The following FER1L6 variants were observed in gnomAD, a reference collection of about 807,000 sequenced individuals.
FER1L6 encodes fer-1 like family member 6.
FER1L6 carries 177 observed loss-of-function variants against 219.2 expected under a neutral mutation model. That is an observed-to-expected ratio of 0.81 (90% CI 0.71 to 0.91). FER1L6 has a LOEUF of 0.91. Ranked by LOEUF, FER1L6 falls within the 40% of genes least tolerant of loss-of-function variation. The pLI, the probability that FER1L6 is intolerant of heterozygous loss-of-function variation, is 0.00. For synonymous variants in FER1L6, 768 were observed against 824.3 expected (o/e 0.93, Z 1.17); for missense variants, 2,153 against 2,259.9 (o/e 0.95, Z 0.96).
intron 1 of FER1L6, among the ~76,000 whole-genome samples, chr8:123,907,111 T>C (rs7822699): frequency 0.26 from 39,701 of 152,012 alleles, 5,470 homozygotes; most frequent in East Asian, 0.43. Context: ...CCAATAAAAC[T>C]TTATTTACAA....
At chr8:123,977,201 C>T (rs1168474480) in intron 9 of FER1L6, among the ~76,000 whole-genome samples, 4 of 152,180 alleles carry the variant, frequency 2.6e-5, no homozygotes, top group Admixed American at 2.0e-4. Flanking sequence ...TTCCTGAGGG[C>T]GGGGCTGTGA....
intron 2 of FER1L6, among the ~76,000 whole-genome samples, chr8:123,962,409 T>A (rs1361695064): frequency 6.6e-6 from 1 of 152,068 alleles, no homozygotes; most frequent in Non-Finnish European, 1.5e-5. Flanking sequence ...GTTTTATTTT[T>A]AAGTATAGGA....
intron 12 of FER1L6, 22 bp downstream of exon 12, chr8:123,986,198 G>T (rs1238338303): frequency 1.7e-5 from 23 of 1,375,876 alleles, no homozygotes; most frequent in Non-Finnish European, 2.4e-5. Flanking sequence ...TAAGCACAGT[G>T]CCAGGCACAT....
At chr8:124,095,503 AG>A (rs1370712553) in intron 35 of FER1L6, among the ~76,000 whole-genome samples, 1 of 152,224 alleles carries the variant, frequency 6.6e-6, no homozygotes, top group Non-Finnish European at 1.5e-5. Flanking sequence ...GAGAAGCAAT[AG>A]GTGGTAGGTT....
At chr8:124,083,009 TACACACACA>T (rs1821627386) in intron 33 of FER1L6, among the ~76,000 whole-genome samples, 1 of 150,986 alleles carries the variant, frequency 6.6e-6, no homozygotes, top group East Asian at 2.0e-4. Flanking sequence ...ATATATTATA[TACACACACA>T]TATGGGGTAT....
intron 1 of FER1L6, among the ~76,000 whole-genome samples, chr8:123,911,901 T>C (rs1441386917): frequency 1.3e-5 from 2 of 152,166 alleles, no homozygotes; most frequent in African/African-American, 4.8e-5. Flanking sequence ...AATTTACCCT[T>C]CCTGGGGGGA....
chr8:123,998,423 T>TCTCTCTCTCTCTCTCTGTA (rs1817247111), intron 12 of FER1L6, among the ~76,000 whole-genome samples: 1 of 147,304 alleles, frequency 6.8e-6, no homozygotes, highest in African/African-American at 2.6e-5. Flanking sequence ...TCTCTCTCTC[T>TCTCTCTCTCTCTCTCTGTA]CTGTACTGAG....
At chr8:124,041,595 G>A (rs181293918) in intron 20 of FER1L6, among the ~76,000 whole-genome samples, 2 of 152,094 alleles carry the variant, frequency 1.3e-5, no homozygotes, top group African/African-American at 4.8e-5. Context: ...TGACACACGA[G>A]TCACTACACT....
intron 12 of FER1L6, among the ~76,000 whole-genome samples, chr8:123,997,190 G>C (rs1396530699): frequency 6.6e-6 from 1 of 152,120 alleles, no homozygotes; most frequent in African/African-American, 2.4e-5. Flanking sequence ...TTTTAGGATA[G>C]GTCTAGTGTC....
intron 26 of FER1L6, 34 bp downstream of exon 26, chr8:124,064,607 C>T (rs775996787): frequency 4.2e-5 from 66 of 1,587,258 alleles, no homozygotes; most frequent in Non-Finnish European, 5.6e-5. Flanking sequence ...ATTTACAAGG[C>T]TCATTGGAGT....
At chr8:124,106,351 A>C (rs1483148369) in intron 39 of FER1L6, among the ~76,000 whole-genome samples, 4 of 150,682 alleles carry the variant, frequency 2.7e-5, no homozygotes, top group East Asian at 2.0e-4. Context: ...AAAAAAAAAA[A>C]AAAAAAAAAA....
At chr8:124,057,083 A>G (rs970846747) in intron 22 of FER1L6, among the ~76,000 whole-genome samples, 10 of 152,312 alleles carry the variant, frequency 6.6e-5, no homozygotes, top group African/African-American at 2.4e-4. Flanking sequence ...TCCAGTAGAT[A>G]GAGACCCTGC....
At chr8:124,064,287 C>T (rs1245543495) in intron 25 of FER1L6, 60 bp from the exon 26 acceptor site, 1 of 1,334,016 alleles carries the variant, frequency 7.5e-7, no homozygotes, top group Non-Finnish European at 1.1e-6. Flanking sequence ...GTATTAGGTC[C>T]CTGAAACGAC....
At chr8:123,915,211 G>T (rs1467401810) in intron 1 of FER1L6, among the ~76,000 whole-genome samples, 1 of 151,886 alleles carries the variant, frequency 6.6e-6, no homozygotes, top group East Asian at 1.9e-4. Context: ...CAATTCTTTT[G>T]CAGGAATGAT....
intron 32 of FER1L6, among the ~76,000 whole-genome samples, chr8:124,078,625 T>G (rs77703496): frequency 6.6e-6 from 1 of 151,698 alleles, no homozygotes; most frequent in Non-Finnish European, 1.5e-5. Context: ...AAGGTGCCCA[T>G]GAATATTGAG....
chr8:124,061,459 C>A (rs556874228), intron 24 of FER1L6, among the ~76,000 whole-genome samples: 15 of 152,212 alleles, frequency 9.9e-5, no homozygotes, highest in African/African-American at 3.4e-4. Context: ...GTGGCTGGGG[C>A]ACTGTCCCTT....
chr8:124,035,262 G>A lies in FER1L6; in HGVS notation c.2287-15G>A. Reference sequence around the variant, plus strand: ...TCCTACTAATAAGTCAGTCTTTTTTGTAACCTTTCTCCAGCCTCCTGGGAA... The same window carrying A: ...TCCTACTAATAAGTCAGTCTTTTTTATAACCTTTCTCCAGCCTCCTGGGAA... On this transcript the variant is annotated splice_polypyrimidine_tract_variant and intron_variant, in intron 18 of 40. Transcript: ENST00000522917. 6.2e-7 allele frequency: 1 copy of A among 1,604,630 alleles called. No individual in the cohort carries two copies. Among genetic ancestry groups the A allele is most frequent in the Non-Finnish European group, 8.5e-7 (1 of 1,176,776 alleles).
At chr8:124,076,718 T>C (rs1433522985) in intron 32 of FER1L6, among the ~76,000 whole-genome samples, 2 of 152,200 alleles carry the variant, frequency 1.3e-5, no homozygotes, top group Non-Finnish European at 2.9e-5. Flanking sequence ...GAGCAGAGAT[T>C]TCCTTTTTAT....
intron 12 of FER1L6, among the ~76,000 whole-genome samples, chr8:123,997,196 G>C (rs946259308): frequency 2.6e-5 from 4 of 152,126 alleles, no homozygotes; most frequent in African/African-American, 7.2e-5. Context: ...GATAGGTCTA[G>C]TGTCAATGAA....
Sources: allele counts gnomAD v4.1 joint callset (sites outside exome capture counted in the v4.1 genomes callset), GRCh38; gene constraint gnomAD v4.1.1; transcripts MANE v1.5; gene names NCBI Gene and HGNC (gene_info 2026-07-23, HGNC 2026-07-21).